SOX6: variants seen among roughly 807,000 people sequenced by gnomAD.
SOX6 encodes the protein SRY-box transcription factor 6.
SOX6 carries 11 observed loss-of-function variants against 97.8 expected under a neutral mutation model. The ratio of observed to expected loss-of-function variants is 0.11; its 90% CI spans 0.07 to 0.19. The LOEUF (loss-of-function observed/expected upper bound fraction) is 0.19. Ranked by LOEUF, SOX6 falls within the 10% of genes least tolerant of loss-of-function variation. The pLI is 1.00. For missense variants in SOX6, 810 were observed against 1,039.5 expected (o/e 0.78, Z 3.04); for synonymous variants, 360 against 371.4 (o/e 0.97, Z 0.35).
chr11:16,571,663 T>A (rs1346199362), intron 4 of SOX6, among the ~76,000 whole-genome samples: 2 of 152,062 alleles, frequency 1.3e-5, no homozygotes, highest in Non-Finnish European at 2.9e-5. Flanking sequence ...TGGTTGTTTG[T>A]TTTTTTGAGA....
At chr11:16,255,130 C>G (rs549420103) in intron 3 of SOX6, among the ~76,000 whole-genome samples, 2 of 151,858 alleles carry the variant, frequency 1.3e-5, no homozygotes, top group African/African-American at 4.8e-5. Context: ...GCAAAAACTG[C>G]CAGGAGAAAT....
At chr11:16,186,601 T>A (rs893796375) in intron 5 of SOX6, among the ~76,000 whole-genome samples, 182 bp downstream of exon 5, 2 of 152,094 alleles carry the variant, frequency 1.3e-5, no homozygotes. Flanking sequence ...TGTACACATA[T>A]TCCCTCAAAA....
chr11:16,049,983 G>A (rs1333463787), intron 10 of SOX6, 45 bp from the exon 11 acceptor site: 8 of 1,599,620 alleles, frequency 5.0e-6, no homozygotes, highest in African/African-American at 1.3e-5. Flanking sequence ...AAAGACAAAT[G>A]AAGCACATTA....
chr11:16,439,451 T>C (rs10734246), intron 1 of SOX6, among the ~76,000 whole-genome samples: 151,565 of 152,282 alleles, frequency 1, 75,431 homozygotes, highest in Middle Eastern at 1. Context: ...AAATGATTGA[T>C]CTAATTAGAG....
intron 9 of SOX6, among the ~76,000 whole-genome samples, chr11:16,079,996 T>C (rs950770070): frequency 6.8e-6 from 1 of 148,148 alleles, no homozygotes; most frequent in Non-Finnish European, 1.5e-5. Flanking sequence ...AGCACAATAA[T>C]CCACCTTGAA....
chr11:16,503,683 A>G (rs1341612350), intron 4 of SOX6, among the ~76,000 whole-genome samples: 1 of 152,194 alleles, frequency 6.6e-6, no homozygotes, highest in Non-Finnish European at 1.5e-5. Flanking sequence ...AAAAACAGTA[A>G]GTAAAAAGAG....
At chr11:16,531,880 T>C (rs1332566584) in intron 4 of SOX6, among the ~76,000 whole-genome samples, 4 of 151,978 alleles carry the variant, frequency 2.6e-5, no homozygotes, top group African/African-American at 7.2e-5. Context: ...GTCTATTGTA[T>C]TTTGTTTCAA....
At chr11:16,626,448 TA>T (rs1316440097) in intron 3 of SOX6, among the ~76,000 whole-genome samples, 1 of 152,234 alleles carries the variant, frequency 6.6e-6, no homozygotes, top group African/African-American at 2.4e-5. Flanking sequence ...TTGATTACCA[TA>T]ACATTACACT....
At chr11:16,394,624 C>T (rs367923469) in intron 1 of SOX6, among the ~76,000 whole-genome samples, 2 of 151,786 alleles carry the variant, frequency 1.3e-5, no homozygotes, top group Non-Finnish European at 2.9e-5. Context: ...AAAACAAAAG[C>T]GTCTACCAAT....
At chr11:16,262,124 G>A (rs10430890) in intron 3 of SOX6, among the ~76,000 whole-genome samples, 25,392 of 151,960 alleles carry the variant, frequency 0.17, 2,604 homozygotes, top group Admixed American at 0.29. Flanking sequence ...TGTTAATAGT[G>A]TCAAAGAGAA....
intron 6 of SOX6, among the ~76,000 whole-genome samples, chr11:16,160,022 T>C (rs1850704544): frequency 6.6e-6 from 1 of 152,138 alleles, no homozygotes; most frequent in Admixed American, 6.6e-5. Context: ...TGGCAAGACC[T>C]GATAAAATTG....
chr11:16,101,880 T>C (rs1396013795), intron 7 of SOX6, among the ~76,000 whole-genome samples: 1 of 151,614 alleles, frequency 6.6e-6, no homozygotes, highest in Non-Finnish European at 1.5e-5. Flanking sequence ...GGACATACCT[T>C]AAAGCAATAA....
At chr11:16,466,919 A>G (rs1860046920) in intron 1 of SOX6, among the ~76,000 whole-genome samples, 1 of 120,644 alleles carries the variant, frequency 8.3e-6, no homozygotes, top group Admixed American at 8.7e-5. Context: ...CGACAGAGCG[A>G]GACTCCGTCT....
At chr11:16,425,918 C>A (rs898650779) in intron 1 of SOX6, among the ~76,000 whole-genome samples, 2 of 151,694 alleles carry the variant, frequency 1.3e-5, no homozygotes, top group Admixed American at 6.6e-5. Flanking sequence ...CAATGCTATT[C>A]CTAGTAAACT....
At chr11:16,484,752 T>C (rs1590219892) in intron 4 of SOX6, 1 of 434,624 alleles carries the variant, frequency 2.3e-6, no homozygotes, top group Admixed American at 3.6e-5. Flanking sequence ...ATGAAATAAG[T>C]TGCATCATCA....
intron 2 of SOX6, among the ~76,000 whole-genome samples, chr11:16,727,858 T>C: frequency 6.6e-6 from 1 of 152,282 alleles, no homozygotes; most frequent in Middle Eastern, 3.4e-3. Context: ...TTATTTGAAT[T>C]TTCTTTTTTA....
chr11:16,405,500 G>C (rs2133048914), intron 1 of SOX6, among the ~76,000 whole-genome samples: 1 of 152,142 alleles, frequency 6.6e-6, no homozygotes, highest in African/African-American at 2.4e-5. Context: ...GATGTGTTCA[G>C]TAAGGCCCTA....
At chr11:16,006,636 G>C (rs1206419645) in intron 13 of SOX6, among the ~76,000 whole-genome samples, 1 of 151,976 alleles carries the variant, frequency 6.6e-6, no homozygotes, top group Non-Finnish European at 1.5e-5. Flanking sequence ...AGGTTTTCCA[G>C]AACCATTGCT....
chr11:16,338,880 C>A (rs1379275951), intron 2 of SOX6, among the ~76,000 whole-genome samples: 1 of 151,756 alleles, frequency 6.6e-6, no homozygotes, highest in African/African-American at 2.4e-5. Context: ...TTGATAATAA[C>A]CCACCAAAGT....
Sources: allele counts gnomAD v4.1 joint callset (sites outside exome capture counted in the v4.1 genomes callset), GRCh38; gene constraint gnomAD v4.1.1; transcripts MANE v1.5; gene names NCBI Gene and HGNC (gene_info 2026-07-23, HGNC 2026-07-21).